Variants in ARHGEF18 observed in about 807,000 individuals in gnomAD.
The protein encoded by ARHGEF18 is rho guanine nucleotide exchange factor 18.
A neutral mutation model predicts 155.7 loss-of-function variants in ARHGEF18; 93 were observed. The observed-to-expected ratio is 0.60, with a 90% confidence interval of 0.50 to 0.71. The LOEUF (loss-of-function observed/expected upper bound fraction) is 0.71, where lower values mean the gene tolerates loss of function less well. Among genes scored for constraint, ARHGEF18 ranks in the 30% least tolerant of loss-of-function variants. The pLI, the probability that ARHGEF18 is intolerant of heterozygous loss-of-function variation, is 0.00. For synonymous variants in ARHGEF18, 742 were observed against 753.1 expected (o/e 0.99, Z 0.24); for missense variants, 1,593 against 1,816.1 (o/e 0.88, Z 2.23).
At chr19:7,425,746 T>C (rs542840159) in intron 10 of ARHGEF18, among the ~76,000 whole-genome samples, 2 of 149,688 alleles carry the variant, frequency 1.3e-5, no homozygotes, top group South Asian at 4.2e-4. Context: ...ATGCCTGTAA[T>C]CTCAGCACTT....
At chr19:7,383,396 G>A (rs995937168) in intron 10 of ARHGEF18, 193 bp downstream of exon 10, 17 of 476,832 alleles carry the variant, frequency 3.6e-5, no homozygotes, top group Non-Finnish European at 5.4e-5. Context: ...CTCGGGACTG[G>A]CAACAGTCCC....
In ARHGEF18 at chr19:7,470,131, G is replaced by A. The variant is rs778518899; in HGVS notation, c.3919G>A (p.Gly1307Ser). 1.2e-6 allele frequency: 2 copies of A among 1,612,188 alleles called. No individual in the cohort carries two copies. Among genetic ancestry groups the A allele is most frequent in the Non-Finnish European group, 1.7e-6 (2 of 1,179,690 alleles). Reference sequence around the variant, plus strand: ...GAACCCTCTCTCTGTTCCAGACCCTGGCTTCCCCGCCCCGAGCCCACCGCC... The same window carrying A: ...GAACCCTCTCTCTGTTCCAGACCCTAGCTTCCCCGCCCCGAGCCCACCGCC... ...RHSPAPPPDP[G>S]FPAPSPPPAD... Residue 1307 changes from glycine (G) to serine (S), a missense_variant, in exon 29 of 29, where the codon GGC becomes AGC. Gly to Ser is a moderately conservative substitution (Grantham distance 56). Transcript: ENST00000668164. This position sits in a 1 kb window ranked among gnomAD's most constrained non-coding sequence, Gnocchi z 5.9.
At chr19:7,362,276 GAGA>G (rs748108681) in intron 1 of ARHGEF18, among the ~76,000 whole-genome samples, 21 of 150,268 alleles carry the variant, frequency 1.4e-4, no homozygotes, top group Non-Finnish European at 2.4e-4. Flanking sequence ...AAGAAGGAAG[GAGA>G]AGAAGAGGAG....
rs1976979854 is a variant in ARHGEF18 at position 7,470,783 on chromosome 19, G to C, written c.*485G>C. ...AGGGTTAGGGCACCAGGAGGGGCCA[G>C]GTGGCGTCGGCAGCATCTGTCCCCA... On this transcript the variant is annotated 3_prime_UTR_variant, in exon 29 of 29. Transcript: ENST00000668164. This position sits in a 1 kb window ranked among gnomAD's most constrained non-coding sequence, Gnocchi z 5.9. 1 of 401,130 alleles carries C rather than the reference G, an allele frequency of 2.5e-6. No homozygotes were observed. Among genetic ancestry groups the C allele is most frequent in the East Asian group, 3.6e-5 (1 of 28,066 alleles). 24.8% of individuals were successfully genotyped at this position (401,130 alleles called of 1,614,324 possible). A position where few individuals can be genotyped will look rare whatever the true frequency, so the allele number is the denominator to read the frequency against.
rs760864454 is a variant in ARHGEF18, at chr19:7,441,923, G to A, written c.1231G>A (p.Ala411Thr). The A allele has an allele frequency of 1.8e-5, 29 of 1,613,992 alleles. 1 individual carries two copies. The Admixed American group carries it at 1.8e-4, about 10-fold the overall frequency. The change falls in exon 13 of 29, where the codon GCC becomes ACC. Residue 411 changes from alanine to threonine, a missense_variant. Ala to Thr is a moderately conservative substitution (Grantham distance 58). Transcript: ENST00000668164. Reference sequence around the variant, plus strand: ...CGCTCTTCCCTCAGATCCCTACACCGCCTCGCTGAGGAGTGAGATTGAGTC... The same window carrying A: ...CGCTCTTCCCTCAGATCCCTACACCACCTCGCTGAGGAGTGAGATTGAGTC... ...ESIFVEDPYT[A>T]SLRSEIESDG... is the part of the protein sequence containing the mutation.
intron 10 of ARHGEF18, among the ~76,000 whole-genome samples, chr19:7,416,592 A>T (rs1455874986): frequency 3.8e-5 from 4 of 105,980 alleles, no homozygotes; most frequent in East Asian, 3.0e-4. Flanking sequence ...GGGGTGGATG[A>T]TATTTTATTT....
downstream of ARHGEF18, chr19:7,473,186 G>A (rs771054901): frequency 5.3e-5 from 24 of 456,096 alleles, no homozygotes; most frequent in Non-Finnish European, 7.9e-5. Flanking sequence ...TCTGAGTCCC[G>A]GTCCAGTGAG....
At chr19:7,363,026 G>A (rs1176139246) in intron 2 of ARHGEF18, 121 bp downstream of exon 2, 26 of 1,140,390 alleles carry the variant, frequency 2.3e-5, no homozygotes, top group East Asian at 6.4e-5. Context: ...AATCCTCATC[G>A]AAACTTGCAA....
At chr19:7,362,649 C>T (rs1969678947) in intron 1 of ARHGEF18, 132 bp from the exon 2 acceptor site, 2 of 797,966 alleles carry the variant, frequency 2.5e-6, no homozygotes, top group Non-Finnish European at 3.4e-6. Flanking sequence ...TCTTCCCCCT[C>T]CCCTCACCAA....
rs1970438776 is a variant in ARHGEF18 at position 7,375,880 on chromosome 19, AC to A, written c.426+12del. On this transcript the variant is annotated intron_variant, in intron 4 of 28. Coordinates refer to ENST00000668164, the MANE Select transcript of ARHGEF18 (RefSeq NM_001367823.1). ...AGAGAGCCCAGGCAAGGTGGGTATA[AC>A]CTGCAGCCACCCCTGACAATAGCAC... The A allele has an allele frequency of 8.1e-7, 1 of 1,234,362 alleles. No homozygotes were observed. Among genetic ancestry groups the A allele is most frequent in the East Asian group, 3.2e-5 (1 of 31,706 alleles). The allele number at this position is 1,234,362 out of a possible 1,614,324, so 76.5% of individuals were successfully genotyped here. A position where few individuals can be genotyped will look rare whatever the true frequency, so the allele number is the denominator to read the frequency against.
At chr19:7,377,738 T>C (rs1970525981) in intron 5 of ARHGEF18, among the ~76,000 whole-genome samples, 1 of 148,368 alleles carries the variant, frequency 6.7e-6, no homozygotes, top group Non-Finnish European at 1.5e-5. Context: ...CAGTGAGTTC[T>C]GATGGCAGGA....
intron 1 of ARHGEF18, among the ~76,000 whole-genome samples, chr19:7,362,010 GAAGA>G (rs879872841): frequency 0.018 from 1,072 of 59,942 alleles, 92 homozygotes; most frequent in East Asian, 0.06. Context: ...AGAAGAAGAA[GAAGA>G]AGGAGAAGGA....
chr19:7,474,124 A>G (rs1977157651), downstream of ARHGEF18, among the ~76,000 whole-genome samples: 1 of 152,024 alleles, frequency 6.6e-6, no homozygotes. Context: ...AGATCACCTG[A>G]GGTCCGGAGT....
chr19:7,405,000 C>T (rs761702448), intron 10 of ARHGEF18, among the ~76,000 whole-genome samples: 1 of 152,142 alleles, frequency 6.6e-6, no homozygotes, highest in Non-Finnish European at 1.5e-5. Context: ...CTCACTCACC[C>T]AGGCTGGAGT....
chr19:7,383,395 GGC>G (rs1970843438), intron 10 of ARHGEF18, 192 bp downstream of exon 10: 1 of 481,592 alleles, frequency 2.1e-6, no homozygotes, highest in South Asian at 1.1e-4. Flanking sequence ...ACTCGGGACT[GGC>G]AACAGTCCCT....
Position 7,362,882 on chromosome 19 carries a change from T to C in ARHGEF18, c.-9T>C. 8.1e-7 allele frequency: 1 copy of C among 1,234,312 alleles called. No individual in the cohort carries two copies. The highest frequency in any genetic ancestry group is 1.0e-6 in the Non-Finnish European group (1 of 988,166). The allele number at this position is 1,234,312 out of a possible 1,614,324, so 76.5% of individuals were successfully genotyped here. A position where few individuals can be genotyped will look rare whatever the true frequency, so the allele number is the denominator to read the frequency against. ...CTGGAAACCTGAGAACCCAGACTTC[T>C]TCTCTGCCATGGGGGATGATCAGGC... is the stretch of plus-strand genomic sequence containing the variant. On this transcript the variant is annotated 5_prime_UTR_variant, in exon 2 of 29. Coordinates refer to ENST00000668164, the MANE Select transcript of ARHGEF18 (RefSeq NM_001367823.1).
At chr19:7,429,111 G>T (rs1194603981) in intron 10 of ARHGEF18, among the ~76,000 whole-genome samples, 4 of 112,246 alleles carry the variant, frequency 3.6e-5, no homozygotes, top group Non-Finnish European at 7.2e-5. Context: ...GAGTCGAGGG[G>T]CCGGGGGCTC....
rs182103711 is a variant in ARHGEF18, at chr19:7,406,260, T to A, written c.967+23057T>A. Among the ~76,000 whole-genome samples the A allele has an allele frequency of 1.1e-3, 166 of 152,238 alleles. 1 individual carries two copies. Among genetic ancestry groups the A allele is most frequent in the African/African-American group, 3.8e-3 (156 of 41,548 alleles). On this transcript the variant is annotated intron_variant, in intron 10 of 28. Transcript: ENST00000668164. The stretch of plus-strand genomic sequence containing the variant: ...CCACCACGCTTGGCTAATTTTTGTA[T>A]TTTTAGTAGAGACAGGGTTTCACCA...
At chr19:7,453,969 T>G (rs1975669497) in intron 17 of ARHGEF18, among the ~76,000 whole-genome samples, 1 of 151,818 alleles carries the variant, frequency 6.6e-6, no homozygotes, top group Admixed American at 6.6e-5. Flanking sequence ...GGTGGCATTA[T>G]ATTGGATTGG....
Sources: gnomAD v4.1 joint callset for allele counts (sites outside exome capture counted in the v4.1 genomes callset) on GRCh38, gnomAD v4.1.1 for gene constraint, Gnocchi (gnomAD v3.1) non-coding constraint, MANE v1.5 for transcripts, NCBI Gene and HGNC (gene_info 2026-07-23, HGNC 2026-07-21) for gene names.